The following MSH3 variants were observed in gnomAD, a reference collection of about 807,000 sequenced individuals.
MSH3 encodes the protein DNA mismatch repair protein Msh3.
A neutral mutation model predicts 123.3 loss-of-function variants in MSH3; 106 were observed. The ratio of observed to expected loss-of-function variants is 0.86; its 90% CI spans 0.73 to 1.01. The LOEUF (loss-of-function observed/expected upper bound fraction) is 1.01. Ranked by LOEUF, MSH3 falls within the 50% of genes least tolerant of loss-of-function variation. The pLI, the probability that MSH3 is intolerant of heterozygous loss-of-function variation, is 0.00. For missense variants in MSH3, 1,459 were observed against 1,347.6 expected, an observed-to-expected ratio of 1.08 and a Z score of -1.29; for synonymous variants, 515 against 481.4, an observed-to-expected ratio of 1.07 and a Z score of -0.91.
rs200930907 is a variant in MSH3 at position 80,656,507 on chromosome 5, G to A, written c.334G>A (p.Asp112Asn). The change falls in exon 2 of 24, where the codon GAT becomes AAT. Residue 112 changes from aspartate to asparagine, a missense_variant. Asp to Asn is a conservative substitution (Grantham distance 23). Coordinates refer to ENST00000265081, the MANE Select transcript of MSH3 (RefSeq NM_002439.5). ...AGTCCAACAAAAGGAAGGAGGAAGT[G>A]ATCTGGGAATGTCTGGCAACTCTGG... ...KKVQQKEGGS[D>N]LGMSGNSEPK... is the part of the protein sequence containing the mutation. The A allele has an allele frequency of 1.2e-6, 2 of 1,614,202 alleles. No individual in the cohort carries two copies. Among genetic ancestry groups the A allele is most frequent in the Admixed American group, 3.3e-5 (2 of 60,034 alleles).
At chr5:80,737,490 T>C (rs1267178225) in intron 10 of MSH3, among the ~76,000 whole-genome samples, 1 of 152,220 alleles carries the variant, frequency 6.6e-6, no homozygotes, top group African/African-American at 2.4e-5. Context: ...ATATATAAGA[T>C]TTCTATGCAG....
intron 3 of MSH3, among the ~76,000 whole-genome samples, chr5:80,667,886 CA>C (rs943616637): frequency 1.3e-5 from 2 of 152,176 alleles, no homozygotes; most frequent in African/African-American, 4.8e-5. Flanking sequence ...TGCAATGTGG[CA>C]AGCAAGAGAT....
intron 20 of MSH3, among the ~76,000 whole-genome samples, chr5:80,845,754 G>C (rs1257466347): frequency 6.6e-6 from 1 of 152,124 alleles, no homozygotes; most frequent in Admixed American, 6.6e-5. Flanking sequence ...AGCTCCATCA[G>C]GTCATTTAAG....
chr5:80,735,205 G>A (rs574997616), intron 10 of MSH3, among the ~76,000 whole-genome samples: 18 of 152,018 alleles, frequency 1.2e-4, no homozygotes, highest in Admixed American at 6.5e-4. Context: ...CCAACATGGC[G>A]AAACCCCGTC....
rs147658990 is a variant in MSH3, at chr5:80,762,755, G to A, written c.1896+1077G>A. On this transcript the variant is annotated intron_variant, in intron 13 of 23. Transcript: ENST00000265081. ...TTTTTATTTTATTTTGTTTTATTTT[G>A]TTTTATTTTATTTTATTTTAATTTT... is the stretch of plus-strand genomic sequence containing the variant. Among the ~76,000 whole-genome samples the A allele has an allele frequency of 3.3e-3, 433 of 129,354 alleles. 2 individuals are homozygous for A. Among genetic ancestry groups the A allele is most frequent in the African/African-American group, 0.012 (388 of 33,542 alleles). 84.9% of individuals were successfully genotyped at this position (129,354 alleles called of 152,430 possible). A position where few individuals can be genotyped will look rare whatever the true frequency, so the allele number is the denominator to read the frequency against.
At chr5:80,841,946 T>C (rs1580083778) in intron 20 of MSH3, among the ~76,000 whole-genome samples, 2 of 152,208 alleles carry the variant, frequency 1.3e-5, no homozygotes, top group African/African-American at 4.8e-5. Flanking sequence ...TTTGTTGCCA[T>C]TGCTTTTGGT....
rs778513975 is a variant in MSH3, at chr5:80,654,711, G to A, written c.-17G>A. ...CCTCGCCAGGCCCTGCCGCCGGGCT[G>A]CCATCCTTGCCCTGCCATGTCTCGC... On this transcript the variant is annotated 5_prime_UTR_variant, in exon 1 of 24. Transcript: ENST00000265081. 4.4e-6 allele frequency: 7 copies of A among 1,585,736 alleles called. No homozygotes were observed. The South Asian group carries it at 5.6e-5, about 13-fold the overall frequency.
At position 80,795,037 on chromosome 5, in the gene MSH3, TCTTCTGA is replaced by T. The variant is rs201197599; in HGVS notation, c.2655+2194_2655+2200del. On this transcript the variant is annotated intron_variant, in intron 19 of 23. Coordinates refer to ENST00000265081, the MANE Select transcript of MSH3 (RefSeq NM_002439.5). ...GTTAGAAACAGAAGTACTAAGGAACTCTTCTGAGGACAGTGAAAGAATTGAGATGTAG... is the reference window on the plus strand; with the variant it reads ...GTTAGAAACAGAAGTACTAAGGAACTGGACAGTGAAAGAATTGAGATGTAG... Among the ~76,000 whole-genome samples the T allele has an allele frequency of 9.8e-3, 1,498 of 152,238 alleles. 30 individuals are homozygous for T. Among genetic ancestry groups the T allele is most frequent in the African/African-American group, 0.034 (1,429 of 41,532 alleles).
At position 80,794,561 on chromosome 5, in the gene MSH3, CAG is replaced by C. The variant is rs1307479350; in HGVS notation, c.2655+1721_2655+1722del. On this transcript the variant is annotated intron_variant, in intron 19 of 23. Coordinates refer to ENST00000265081, the MANE Select transcript of MSH3 (RefSeq NM_002439.5). ...AGTAGTTATGTGAGAGAGAAGGTAT[CAG>C]AGAATAAAATGCCTGACTTTCAGAT... Among the ~76,000 whole-genome samples, 21 of 152,050 alleles carry C rather than the reference CAG, an allele frequency of 1.4e-4. 1 individual carries two copies. Among genetic ancestry groups the C allele is most frequent in the Middle Eastern group, 3.2e-3 (1 of 316 alleles).
At chr5:80,676,629 T>C (rs2112817334) in intron 7 of MSH3, among the ~76,000 whole-genome samples, 1 of 152,352 alleles carries the variant, frequency 6.6e-6, no homozygotes, top group South Asian at 2.1e-4. Context: ...ACTTGACATT[T>C]GCTTAACCAA....
At position 80,654,877 on chromosome 5, in the gene MSH3, C is replaced by G. The variant is rs774275160; in HGVS notation, c.150C>G (p.Gly50=). The change falls in exon 1 of 24, where the codon GGC becomes GGG. Residue 50 remains glycine (G), a synonymous_variant. Coordinates refer to ENST00000265081, the MANE Select transcript of MSH3 (RefSeq NM_002439.5). The part of the protein sequence containing the change: ...STGAADQVDP[G]AAAAAAAAAA... Reference sequence around the variant, plus strand: ...GTGCAGCCGACCAGGTGGACCCTGGCGCTGCAGCGGCTGCAGCGGCCGCAG... The same window carrying G: ...GTGCAGCCGACCAGGTGGACCCTGGGGCTGCAGCGGCTGCAGCGGCCGCAG... The G allele has an allele frequency of 6.0e-6, 9 of 1,500,154 alleles. No homozygotes were observed. The East Asian group carries it at 1.7e-4, about 29-fold the overall frequency. The allele number at this position is 1,500,154 out of a possible 1,614,324, so 92.9% of individuals were successfully genotyped here.
intron 8 of MSH3, among the ~76,000 whole-genome samples, chr5:80,687,038 T>C (rs536515948): frequency 2.0e-5 from 3 of 152,314 alleles, no homozygotes; most frequent in African/African-American, 7.2e-5. Context: ...TTTTTATATC[T>C]GAAAGTACAG....
intron 19 of MSH3, among the ~76,000 whole-genome samples, chr5:80,793,980 G>A (rs1744652135): frequency 6.6e-6 from 1 of 152,128 alleles, no homozygotes; most frequent in South Asian, 2.1e-4. Context: ...ATGACTGGGT[G>A]TTTTAAAGGG....
chr5:80,654,894 CG>C lies in MSH3; in HGVS notation c.169del (p.Ala57ProfsTer23), dbSNP rs765637112. The C allele has an allele frequency of 4.2e-5, 34 of 818,664 alleles. No individual in the cohort carries two copies. The highest frequency in any genetic ancestry group is 5.5e-4 in the Middle Eastern group (1 of 1,804). The allele number at this position is 818,664 out of a possible 1,614,324, so 50.7% of individuals were successfully genotyped here. ...GACCCTGGCGCTGCAGCGGCTGCAG[CG>C]GCCGCAGCGGCCGCAGCGCCCCCAG... is the stretch of plus-strand genomic sequence containing the variant. Reference protein sequence around the residue: ...QVDPGAAAAAAAAAAAAPPAP... With the variant: ...QVDPGAAAAAXAAAAAAPPAP... On this transcript the variant is annotated frameshift_variant, in exon 1 of 24. Coordinates refer to ENST00000265081, the MANE Select transcript of MSH3 (RefSeq NM_002439.5). LOFTEE classifies it high-confidence loss of function.
intron 20 of MSH3, among the ~76,000 whole-genome samples, chr5:80,832,900 G>C (rs1745444538): frequency 1.3e-5 from 2 of 151,900 alleles, no homozygotes; most frequent in Non-Finnish European, 2.9e-5. Flanking sequence ...CCTTATACTA[G>C]CATTTTCCTT....
chr5:80,816,524 G>A (rs1745104962), intron 20 of MSH3, among the ~76,000 whole-genome samples: 1 of 152,180 alleles, frequency 6.6e-6, no homozygotes, highest in African/African-American at 2.4e-5. Flanking sequence ...TAAGAGCCAT[G>A]GTAAACTATT....
intron 8 of MSH3, among the ~76,000 whole-genome samples, chr5:80,686,312 C>CT (rs1173364482): frequency 5.3e-5 from 8 of 151,620 alleles, no homozygotes; most frequent in East Asian, 3.9e-4. Flanking sequence ...TTTTCTCTCT[C>CT]TTTTTTTTGA....
chr5:80,875,801 AC>A lies in MSH3; in HGVS notation c.3355del (p.Leu1119CysfsTer40). On this transcript the variant is annotated frameshift_variant, in exon 24 of 24. Coordinates refer to ENST00000265081, the MANE Select transcript of MSH3 (RefSeq NM_002439.5). LOFTEE classifies it low-confidence loss of function (END_TRUNC). Reference sequence around the variant, plus strand: ...TTATGGACGATGCATAATGCACAAGACCTGCAGAAGTGGACAGAGGAGTTCA... The same window carrying A: ...TTATGGACGATGCATAATGCACAAGACTGCAGAAGTGGACAGAGGAGTTCA... ...AKLWTMHNAQ[D>X]LQKWTEEFNM... 2 of 1,614,070 alleles carry A rather than the reference AC, an allele frequency of 1.2e-6. No individual in the cohort carries two copies. Among genetic ancestry groups the A allele is most frequent in the South Asian group, 1.1e-5 (1 of 91,084 alleles).
chr5:80,664,638 A>C (rs751103513), intron 2 of MSH3, among the ~76,000 whole-genome samples: 12 of 152,160 alleles, frequency 7.9e-5, no homozygotes, highest in Non-Finnish European at 1.5e-4. Context: ...GCTTTGAACC[A>C]ATCCTCTTTA....
Sources: allele counts gnomAD v4.1 joint callset (sites outside exome capture counted in the v4.1 genomes callset), GRCh38; gene constraint gnomAD v4.1.1; transcripts MANE v1.5; gene names NCBI Gene and HGNC (gene_info 2026-07-23, HGNC 2026-07-21).